Variants in KCNMA1 observed in about 807,000 individuals in gnomAD.
The protein encoded by KCNMA1 is Calcium-activated potassium channel subunit alpha-1.
In KCNMA1, 29 loss-of-function variants were observed where a neutral mutation model predicts 140.0. The ratio of observed to expected loss-of-function variants is 0.21; its 90% CI spans 0.15 to 0.28. The LOEUF (loss-of-function observed/expected upper bound fraction) is 0.28. Among genes scored for constraint, KCNMA1 ranks in the 10% least tolerant of loss-of-function variants. The pLI, the probability that KCNMA1 is intolerant of heterozygous loss-of-function variation, is 1.00. For synonymous variants in KCNMA1, 612 were observed against 611.9 expected (o/e 1.00, Z 0.00); for missense variants, 880 against 1,602.2 (o/e 0.55, Z 7.70).
At chr10:77,027,929 T>G in intron 15 of KCNMA1, 38 bp from the exon 16 acceptor site, 1 of 1,559,960 alleles carries the variant, frequency 6.4e-7, no homozygotes. Context: ...TCAGTTCTTC[T>G]GAATGACCAG....
intron 14 of KCNMA1, among the ~76,000 whole-genome samples, chr10:77,072,532 C>G (rs902319153): frequency 3.3e-5 from 5 of 152,144 alleles, no homozygotes; most frequent in African/African-American, 1.2e-4. Context: ...ATCCAGACCG[C>G]CTGTCTCTCG....
intron 14 of KCNMA1, among the ~76,000 whole-genome samples, chr10:77,042,394 T>TTC (rs2094776839): frequency 6.6e-6 from 1 of 152,218 alleles, no homozygotes; most frequent in Non-Finnish European, 1.5e-5. Context: ...AATGTTGGAA[T>TTC]ATAGAATATT....
chr10:77,342,618 C>T (rs1244733258), intron 2 of KCNMA1, among the ~76,000 whole-genome samples: 1 of 152,226 alleles, frequency 6.6e-6, no homozygotes, highest in Non-Finnish European at 1.5e-5. Context: ...CTGGCCACCA[C>T]ACGAATGCTT....
At chr10:77,269,313 T>A (rs936903111) in intron 2 of KCNMA1, among the ~76,000 whole-genome samples, 5 of 152,240 alleles carry the variant, frequency 3.3e-5, no homozygotes, top group African/African-American at 1.2e-4. Flanking sequence ...GCCTACTGAA[T>A]ATCCACTTGG....
chr10:77,637,544 A>T lies in KCNMA1; in HGVS notation c.99T>A (p.His33Gln). 1 of 1,546,844 alleles carries T rather than the reference A, an allele frequency of 6.5e-7. No individual in the cohort carries two copies. Among genetic ancestry groups the T allele is most frequent in the Non-Finnish European group, 8.7e-7 (1 of 1,143,296 alleles). The change falls in exon 1 of 28, where the codon CAT becomes CAA. Residue 33 changes from histidine to glutamine, a missense_variant. Coordinates refer to ENST00000286628, the MANE Select transcript of KCNMA1 (RefSeq NM_001161352.2). Reference sequence around the variant, plus strand: ...AGGAGGAGGACGCGTCTAGGCTGAGATGGTTCGCGTGGATATTGCTACTCA... The same window carrying T: ...AGGAGGAGGACGCGTCTAGGCTGAGTTGGTTCGCGTGGATATTGCTACTCA... ...LRMSSNIHAN[H>Q]LSLDASSSSS...
intron 25 of KCNMA1, among the ~76,000 whole-genome samples, chr10:76,900,190 A>G (rs1372655933): frequency 6.6e-6 from 1 of 152,080 alleles, no homozygotes; most frequent in Non-Finnish European, 1.5e-5. Flanking sequence ...ATAACAAATC[A>G]TGCACTTATT....
intron 1 of KCNMA1, chr10:77,636,145 G>A: frequency 1.5e-6 from 2 of 1,312,196 alleles, no homozygotes; most frequent in Non-Finnish European, 2.0e-6. Flanking sequence ...CGGTTCGCGC[G>A]TGAAGTCCCC....
chr10:77,195,168 A>G (rs1447070473), intron 3 of KCNMA1, among the ~76,000 whole-genome samples: 1 of 152,198 alleles, frequency 6.6e-6, no homozygotes, highest in African/African-American at 2.4e-5. Flanking sequence ...CAAGGAAATA[A>G]AATAGCTGTG....
chr10:77,195,218 T>G (rs2040061636), intron 3 of KCNMA1, among the ~76,000 whole-genome samples: 1 of 152,144 alleles, frequency 6.6e-6, no homozygotes, highest in African/African-American at 2.4e-5. Context: ...GGCCTGGAAG[T>G]TTTGTAAGTT....
At chr10:77,287,044 G>T (rs1372118807) in intron 2 of KCNMA1, among the ~76,000 whole-genome samples, 1 of 152,202 alleles carries the variant, frequency 6.6e-6, no homozygotes, top group Non-Finnish European at 1.5e-5. Context: ...CTTAGGAAGG[G>T]TGTGTATACA....
intron 1 of KCNMA1, among the ~76,000 whole-genome samples, chr10:77,572,605 A>ATATATATATATATATATATATAT (rs2072036710): frequency 4.8e-5 from 2 of 41,854 alleles, no homozygotes; most frequent in Non-Finnish European, 9.4e-5. Context: ...TATATATATA[A>ATATATATATATATATATATATAT]ATTAGCTGGG....
At chr10:77,461,051 A>C (rs2040884272) in intron 1 of KCNMA1, among the ~76,000 whole-genome samples, 1 of 152,150 alleles carries the variant, frequency 6.6e-6, no homozygotes, top group Non-Finnish European at 1.5e-5. Flanking sequence ...GGTTGCAGTA[A>C]GCCAAGATCA....
At chr10:76,928,591 C>T (rs182131040) in intron 23 of KCNMA1, among the ~76,000 whole-genome samples, 44 of 152,046 alleles carry the variant, frequency 2.9e-4, no homozygotes, top group Admixed American at 1.2e-3. Flanking sequence ...ATTTATATTC[C>T]GACTACTGTA....
At chr10:77,258,664 CAAT>C (rs2061336365) in intron 2 of KCNMA1, among the ~76,000 whole-genome samples, 1 of 152,112 alleles carries the variant, frequency 6.6e-6, no homozygotes, top group Non-Finnish European at 1.5e-5. Flanking sequence ...GAATGGTTCT[CAAT>C]AGAAGAAGAT....
intron 3 of KCNMA1, among the ~76,000 whole-genome samples, chr10:77,186,084 C>A (rs1410233720): frequency 6.6e-6 from 1 of 152,170 alleles, no homozygotes; most frequent in East Asian, 1.9e-4. Flanking sequence ...TATAGTTGCA[C>A]TTCTGTAAGG....
chr10:76,926,444 A>T (rs1337971660), intron 23 of KCNMA1, among the ~76,000 whole-genome samples: 1 of 152,200 alleles, frequency 6.6e-6, no homozygotes, highest in Non-Finnish European at 1.5e-5. Flanking sequence ...CCTGGCACAG[A>T]GCATGTACTT....
chr10:76,896,521 G>C (rs1048511141), intron 25 of KCNMA1, among the ~76,000 whole-genome samples: 1 of 152,178 alleles, frequency 6.6e-6, no homozygotes, highest in Non-Finnish European at 1.5e-5. Context: ...ATGGGATTAA[G>C]AGATTAAAGA....
intron 1 of KCNMA1, among the ~76,000 whole-genome samples, chr10:77,533,422 T>C (rs1025498681): frequency 5.9e-5 from 9 of 152,174 alleles, no homozygotes; most frequent in Non-Finnish European, 8.8e-5. Context: ...ATTTAACTTC[T>C]CTAGAACTTG....
chr10:76,985,635 A>AT (rs1260615926), intron 19 of KCNMA1, among the ~76,000 whole-genome samples: 1 of 152,218 alleles, frequency 6.6e-6, no homozygotes, highest in Non-Finnish European at 1.5e-5. Context: ...ACTACCTGTC[A>AT]TTTTTCAGGA....
Sources: allele counts gnomAD v4.1 joint callset (sites outside exome capture counted in the v4.1 genomes callset), GRCh38; gene constraint gnomAD v4.1.1; transcripts MANE v1.5; gene names NCBI Gene and HGNC (gene_info 2026-07-23, HGNC 2026-07-21).